The following FAM81B variants were observed in gnomAD, a reference collection of about 807,000 sequenced individuals.
FAM81B encodes the protein protein FAM81B.
In FAM81B, 60 loss-of-function variants were observed where a neutral mutation model predicts 58.7. That is an observed-to-expected ratio of 1.02 (90% CI 0.83 to 1.27). The LOEUF (loss-of-function observed/expected upper bound fraction) is 1.27. FAM81B is among the 50% of genes most tolerant of loss of function. The pLI, the probability that FAM81B is intolerant of heterozygous loss-of-function variation, is 0.00. For synonymous variants in FAM81B, 189 were observed against 179.6 expected (o/e 1.05, Z -0.42); for missense variants, 491 against 522.0 (o/e 0.94, Z 0.58).
intron 5 of FAM81B, among the ~76,000 whole-genome samples, chr5:95,426,823 C>T (rs1357141302): frequency 6.6e-6 from 1 of 152,062 alleles, no homozygotes; most frequent in Non-Finnish European, 1.5e-5. Flanking sequence ...CTGAGGCGGG[C>T]CGATCACGAG....
intron 3 of FAM81B, among the ~76,000 whole-genome samples, chr5:95,410,186 C>T (rs1458756242): frequency 6.6e-6 from 1 of 152,148 alleles, no homozygotes; most frequent in East Asian, 1.9e-4. Context: ...TCTGTCTTTT[C>T]TATCGGGAAT....
rs567536807 is a variant in FAM81B at position 95,426,948 on chromosome 5, G to C, written c.657-1655G>C. On this transcript the variant is annotated intron_variant, in intron 5 of 9. Coordinates refer to ENST00000283357, the MANE Select transcript of FAM81B (RefSeq NM_152548.3). ...CCTGTAGTCCTAGCTACTCGGGAGG[G>C]TGAGGCAGGAGAATGGCGTGAACCT... Among the ~76,000 whole-genome samples the C allele has an allele frequency of 5.8e-3, 881 of 152,198 alleles. 6 individuals carry two copies. Among genetic ancestry groups the C allele is most frequent in the Non-Finnish European group, 5.1e-3 (347 of 68,012 alleles).
At position 95,436,786 on chromosome 5, in the gene FAM81B, C is replaced by T. The variant is rs749719795; in HGVS notation, c.787-14C>T. On this transcript the variant is annotated splice_polypyrimidine_tract_variant and intron_variant, in intron 6 of 9. Coordinates refer to ENST00000283357, the MANE Select transcript of FAM81B (RefSeq NM_152548.3). ...TTTTGTTCATATGCACAAACCCTCT[C>T]GTACTTTGACTAGGTGATGCAGCTC... is the stretch of plus-strand genomic sequence containing the variant. The T allele has an allele frequency of 7.5e-5, 117 of 1,565,150 alleles. No individual in the cohort carries two copies. Among genetic ancestry groups the T allele is most frequent in the Middle Eastern group, 1.7e-4 (1 of 5,996 alleles).
intron 3 of FAM81B, among the ~76,000 whole-genome samples, chr5:95,407,797 C>T (rs1424302865): frequency 1.3e-5 from 2 of 152,202 alleles, no homozygotes; most frequent in East Asian, 1.9e-4. Context: ...TGTCCAAGAT[C>T]ACCATCTGAG....
intron 6 of FAM81B, among the ~76,000 whole-genome samples, chr5:95,435,950 C>G (rs988905545): frequency 2.0e-5 from 3 of 152,166 alleles, no homozygotes; most frequent in Non-Finnish European, 4.4e-5. Flanking sequence ...CTATTCAAAT[C>G]CTTCCGTTAC....
rs1745570815 is a variant in FAM81B, at chr5:95,446,595, A to G, written c.927A>G (p.Glu309=). ...CACTTTCAAGTAATCTGTACGAAGA[A>G]GTTGAGAATAATAAAAAATGGACAG... The part of the protein sequence containing the change: ...FHSLSSNLYE[E]VENNKKWTEN... Residue 309 remains glutamate, a synonymous_variant, in exon 8 of 10, where the codon GAA becomes GAG. Transcript: ENST00000283357. 6.2e-7 allele frequency: 1 copy of G among 1,611,156 alleles called. No individual in the cohort carries two copies. Among genetic ancestry groups the G allele is most frequent in the Non-Finnish European group, 8.5e-7 (1 of 1,178,746 alleles).
At chr5:95,407,429 C>T (rs253717) in intron 3 of FAM81B, among the ~76,000 whole-genome samples, 73,393 of 149,294 alleles carry the variant, frequency 0.49, 18,540 homozygotes, top group South Asian at 0.68. Context: ...CACGCGTGCG[C>T]GCACACAAAC....
At chr5:95,429,398 C>T (rs1470308147) in intron 6 of FAM81B, among the ~76,000 whole-genome samples, 1 of 152,216 alleles carries the variant, frequency 6.6e-6, no homozygotes, top group East Asian at 1.9e-4. Flanking sequence ...TCCACTTTGT[C>T]ACATCTTATG....
At chr5:95,408,890 C>T (rs1762335054) in intron 3 of FAM81B, among the ~76,000 whole-genome samples, 1 of 152,214 alleles carries the variant, frequency 6.6e-6, no homozygotes, top group South Asian at 2.1e-4. Context: ...TTTCTTCCCT[C>T]TTTCTGATTC....
intron 3 of FAM81B, among the ~76,000 whole-genome samples, chr5:95,398,367 G>A (rs1762016276): frequency 1.3e-5 from 2 of 151,812 alleles, no homozygotes; most frequent in African/African-American, 4.8e-5. Flanking sequence ...TGCAGTGAAT[G>A]GAGAGTGTAC....
intron 5 of FAM81B, chr5:95,424,218 G>C (rs930964258): frequency 3.9e-6 from 5 of 1,289,522 alleles, no homozygotes; most frequent in Non-Finnish European, 5.1e-6. Flanking sequence ...AGACATAATA[G>C]TTATTGTTAG....
At chr5:95,405,723 C>G (rs577172819) in intron 3 of FAM81B, among the ~76,000 whole-genome samples, 10 of 152,184 alleles carry the variant, frequency 6.6e-5, no homozygotes, top group African/African-American at 2.4e-4. Flanking sequence ...TCCAATGGAG[C>G]CTTGTCAGCT....
intron 3 of FAM81B, among the ~76,000 whole-genome samples, chr5:95,400,754 C>T (rs1762090792): frequency 6.6e-6 from 1 of 152,020 alleles, no homozygotes; most frequent in African/African-American, 2.4e-5. Flanking sequence ...ATCTCGTCAG[C>T]CAGGTGGGAG....
rs1582817998 is a variant in FAM81B at position 95,430,911 on chromosome 5, T to C, written c.786+2179T>C. Among the ~76,000 whole-genome samples the C allele has an allele frequency of 3.9e-5, 6 of 152,232 alleles. No homozygotes were observed. In the South Asian group the frequency reaches 1.2e-3, roughly 32 times the overall value. On this transcript the variant is annotated intron_variant, in intron 6 of 9. Transcript: ENST00000283357. ...ATTCTTATAGGAAAAAGGCAGTATC[T>C]TTTTGTTTTAATTAGCCTTTTTTAT...
At chr5:95,402,095 T>TA (rs1307792309) in intron 3 of FAM81B, among the ~76,000 whole-genome samples, 2 of 152,220 alleles carry the variant, frequency 1.3e-5, no homozygotes, top group East Asian at 3.8e-4. Flanking sequence ...ATACATAACA[T>TA]ACTAAGAAAG....
chr5:95,416,842 G>A (rs1043665145), intron 4 of FAM81B, among the ~76,000 whole-genome samples: 2 of 152,118 alleles, frequency 1.3e-5, no homozygotes, highest in African/African-American at 4.8e-5. Flanking sequence ...AGGAGTTTGA[G>A]AACAGCCTGG....
At chr5:95,438,072 T>C (rs532399222) in intron 7 of FAM81B, among the ~76,000 whole-genome samples, 1 of 152,342 alleles carries the variant, frequency 6.6e-6, no homozygotes, top group South Asian at 2.1e-4. Flanking sequence ...CATATCATCA[T>C]TTTAAGATAT....
At chr5:95,398,176 T>C (rs1762010853) in intron 3 of FAM81B, among the ~76,000 whole-genome samples, 1 of 152,136 alleles carries the variant, frequency 6.6e-6, no homozygotes, top group Non-Finnish European at 1.5e-5. Context: ...CCCAGCACTT[T>C]GGGAGGCAGA....
intron 3 of FAM81B, among the ~76,000 whole-genome samples, chr5:95,407,193 G>A (rs1265112310): frequency 6.6e-6 from 1 of 152,068 alleles, no homozygotes; most frequent in Non-Finnish European, 1.5e-5. Flanking sequence ...GAGCCAAGGT[G>A]AGCAGTGGTG....
Sources: allele counts gnomAD v4.1 joint callset (sites outside exome capture counted in the v4.1 genomes callset), GRCh38; gene constraint gnomAD v4.1.1; transcripts MANE v1.5; gene names NCBI Gene and HGNC (gene_info 2026-07-23, HGNC 2026-07-21).